The following ZNF600 variants were observed in gnomAD, a reference collection of about 807,000 sequenced individuals.
The protein encoded by ZNF600 is zinc finger protein KR-ZNF1.
ZNF600 carries 4 observed loss-of-function variants against 7.3 expected under a neutral mutation model. The observed-to-expected ratio is 0.55, with a 90% CI of 0.27 to 1.25. The LOEUF (loss-of-function observed/expected upper bound fraction) is 1.25. Among genes scored for constraint, ZNF600 ranks in the 50% most tolerant of loss-of-function variants. The pLI is 0.12. For missense variants in ZNF600, 911 were observed against 922.1 expected (o/e 0.99, Z 0.16); for synonymous variants, 290 against 308.9 (o/e 0.94, Z 0.64).
At chr19:52,831,659 C>T in the ZNF600 span, among the ~76,000 whole-genome samples, 3 of 152,116 alleles carry the variant, frequency 2.0e-5, no homozygotes, top group Admixed American at 1.3e-4. Context: ...CCCGCCACCA[C>T]GCCCAGCTAA....
the ZNF600 span, among the ~76,000 whole-genome samples, chr19:52,803,794 TAAA>T: frequency 6.6e-6 from 1 of 151,696 alleles, no homozygotes; most frequent in Non-Finnish European, 1.5e-5. Flanking sequence ...CCATCTCTAC[TAAA>T]AATACAAAAA....
chr19:52,778,145 A>C (rs1272290352), intron 2 of ZNF600, among the ~76,000 whole-genome samples: 4 of 151,868 alleles, frequency 2.6e-5, no homozygotes, highest in Non-Finnish European at 2.9e-5. Context: ...TCCTGAGTAG[A>C]TGAGATTACA....
At chr19:52,777,695 T>C (rs908063335) in intron 2 of ZNF600, among the ~76,000 whole-genome samples, 1 of 151,550 alleles carries the variant, frequency 6.6e-6, no homozygotes, top group Non-Finnish European at 1.5e-5. Context: ...CTGGGTGTGG[T>C]GGTGCATCCT....
intron 3 of ZNF600, among the ~76,000 whole-genome samples, chr19:52,772,553 A>T (rs2062638579): frequency 6.6e-6 from 1 of 152,188 alleles, no homozygotes; most frequent in African/African-American, 2.4e-5. Flanking sequence ...TGGTGAACTG[A>T]GATTGTGCCA....
the ZNF600 span, among the ~76,000 whole-genome samples, chr19:52,793,309 A>C: frequency 6.6e-6 from 1 of 152,200 alleles, no homozygotes; most frequent in Non-Finnish European, 1.5e-5. Context: ...ATGCGTCCTC[A>C]ACCTTCACAA....
upstream of ZNF600, among the ~76,000 whole-genome samples, chr19:52,788,124 C>T (rs1224937212): frequency 6.6e-6 from 1 of 152,144 alleles, no homozygotes; most frequent in East Asian, 1.9e-4. Context: ...TTCCCAGGAC[C>T]ATGCCCAGTG....
the ZNF600 span, chr19:52,810,155 T>C: frequency 1.1e-6 from 1 of 931,172 alleles, no homozygotes; most frequent in Non-Finnish European, 1.8e-6. Context: ...GGCTGGAAGC[T>C]ATCGAAGCTG....
the ZNF600 span, chr19:52,800,125 T>C: frequency 6.2e-7 from 1 of 1,614,100 alleles, no homozygotes; most frequent in South Asian, 1.1e-5. Flanking sequence ...TTCTCTCCAG[T>C]ATGAATCCTC....
the ZNF600 span, chr19:52,800,854 C>T: frequency 6.2e-7 from 1 of 1,614,048 alleles, no homozygotes; most frequent in Non-Finnish European, 8.5e-7. Context: ...TTGTCACAAA[C>T]CTTACATTTG....
chr19:52,778,716 G>A, intron 2 of ZNF600, 110 bp downstream of exon 4: 2 of 1,435,772 alleles, frequency 1.4e-6, no homozygotes, highest in South Asian at 1.4e-5. Flanking sequence ...CTGAGTGTGA[G>A]TGAACGTGTC....
At chr19:52,804,575 T>C in the ZNF600 span, among the ~76,000 whole-genome samples, 4 of 152,298 alleles carry the variant, frequency 2.6e-5, no homozygotes, top group South Asian at 8.3e-4. Context: ...TTCACCATAT[T>C]GGCCAGGCTT....
the ZNF600 span, among the ~76,000 whole-genome samples, chr19:52,824,079 A>AAAT: frequency 1.7e-3 from 264 of 150,986 alleles, 2 homozygotes; most frequent in South Asian, 7.1e-3. Context: ...AACAAAAAAT[A>AAAT]AATAATAATA....
chr19:52,799,479 G>A, the ZNF600 span: 2 of 932,500 alleles, frequency 2.1e-6, no homozygotes, highest in Middle Eastern at 2.2e-4. Flanking sequence ...ACGTGCAAGG[G>A]TTGTTTTTTG....
At chr19:52,818,391 A>C in the ZNF600 span, among the ~76,000 whole-genome samples, 1 of 152,182 alleles carries the variant, frequency 6.6e-6, no homozygotes, top group East Asian at 1.9e-4. Context: ...AGCCTGGCCA[A>C]CATGGAGAAA....
At chr19:52,772,313 A>G (rs2062636395) in intron 3 of ZNF600, among the ~76,000 whole-genome samples, 2 of 151,976 alleles carry the variant, frequency 1.3e-5, no homozygotes, top group African/African-American at 4.8e-5. Context: ...CATTTAAAAA[A>G]CAAAAAAGGC....
chr19:52,795,513 CAAT>C, the ZNF600 span, among the ~76,000 whole-genome samples: 1 of 151,834 alleles, frequency 6.6e-6, no homozygotes, highest in African/African-American at 2.4e-5. Context: ...AGTTGGAAAA[CAAT>C]GATGTGACTT....
chr19:52,787,749 A>C (rs374383590), upstream of ZNF600, among the ~76,000 whole-genome samples: 5 of 149,040 alleles, frequency 3.4e-5, no homozygotes, highest in South Asian at 2.1e-4. Context: ...AATCCCAGCT[A>C]CTAGGGAGGC....
At chr19:52,828,717 T>C in the ZNF600 span, among the ~76,000 whole-genome samples, 6 of 152,266 alleles carry the variant, frequency 3.9e-5, no homozygotes, top group Admixed American at 3.9e-4. Context: ...GGCTCCCTGG[T>C]CTGAATGTTT....
At chr19:52,766,011 T>G in exon 4 of ZNF600, 1 of 1,614,210 alleles carries the variant, frequency 6.2e-7, no homozygotes, top group South Asian at 1.1e-5. Flanking sequence ...CGTACATTTG[T>G]AAGATTTCTC....
Sources: allele counts gnomAD v4.1 joint callset (sites outside exome capture counted in the v4.1 genomes callset), GRCh38; gene constraint gnomAD v4.1.1; transcripts MANE v1.5; gene names NCBI Gene and HGNC (gene_info 2026-07-23, HGNC 2026-07-21).